FBLN7: variants seen among roughly 807,000 people sequenced by gnomAD.
FBLN7 encodes the protein fibulin 7.
A neutral mutation model predicts 44.0 loss-of-function variants in FBLN7; 31 were observed. The observed-to-expected ratio is 0.70, with a 90% CI of 0.53 to 0.95. The LOEUF (loss-of-function observed/expected upper bound fraction) is 0.95. Ranked by LOEUF, FBLN7 falls within the 40% of genes least tolerant of loss-of-function variation. The pLI, the probability that FBLN7 is intolerant of heterozygous loss-of-function variation, is 0.00. For missense variants in FBLN7, 573 were observed against 618.5 expected, an observed-to-expected ratio of 0.93 and a Z score of 0.78; for synonymous variants, 262 against 253.4, an observed-to-expected ratio of 1.03 and a Z score of -0.32.
Position 112,185,351 on chromosome 2 carries a change from C to T in FBLN7, c.947+12C>T. The T allele has an allele frequency of 1.2e-6, 2 of 1,609,026 alleles. No individual in the cohort carries two copies. The highest frequency in any genetic ancestry group is 1.1e-5 in the South Asian group (1 of 90,902). ...AAGACGTCTCCATTGTGAGTATCTC[C>T]AGGGGAGGCACACCCTCACCCAGGC... On this transcript the variant is annotated intron_variant, in intron 7 of 7. Coordinates refer to ENST00000331203, the MANE Select transcript of FBLN7 (RefSeq NM_153214.3).
At chr2:112,160,211 C>T (rs56166956) in intron 2 of FBLN7, among the ~76,000 whole-genome samples, 4 of 152,170 alleles carry the variant, frequency 2.6e-5, no homozygotes, top group South Asian at 2.1e-4. Flanking sequence ...AGGATGGTCT[C>T]GATCTCCTGA....
chr2:112,185,321 A>G lies in FBLN7; in HGVS notation c.929A>G (p.Tyr310Cys). 6.2e-7 allele frequency: 1 copy of G among 1,613,784 alleles called. No individual in the cohort carries two copies. Among genetic ancestry groups the G allele is most frequent in the Non-Finnish European group, 8.5e-7 (1 of 1,179,746 alleles). ...CCCGAGGGCAGCGGCAATGTGAGCT[A>G]CGTGAAGACGTCTCCATTGTGAGTA... ...ECPEGSGNVSYVKTSPFQCER... is the reference protein window; with the variant it reads ...ECPEGSGNVSCVKTSPFQCER... The change falls in exon 7 of 8, where the codon TAC (tyrosine) becomes TGC (cysteine). Residue 310 changes from tyrosine (Y) to cysteine (C), a missense_variant. Physicochemically the swap from Tyr to Cys is radical, Grantham distance 194. Coordinates refer to ENST00000331203, the MANE Select transcript of FBLN7 (RefSeq NM_153214.3).
chr2:112,236,475 C>T, the FBLN7 span: 1 of 1,537,282 alleles, frequency 6.5e-7, no homozygotes. Context: ...CTCTCCATAT[C>T]ACATAGCACT....
At chr2:112,232,257 A>G in the FBLN7 span, among the ~76,000 whole-genome samples, 1 of 150,154 alleles carries the variant, frequency 6.7e-6, no homozygotes, top group Non-Finnish European at 1.5e-5. Context: ...CGGAGGTTGC[A>G]GCGAACCAAG....
At chr2:112,170,329 C>G (rs1242647508) in intron 3 of FBLN7, among the ~76,000 whole-genome samples, 1 of 151,712 alleles carries the variant, frequency 6.6e-6, no homozygotes, top group Admixed American at 6.6e-5. Flanking sequence ...GAGTTCGAGA[C>G]CAGCCTGGCC....
intron 1 of FBLN7, among the ~76,000 whole-genome samples, chr2:112,154,346 G>A (rs6542041): frequency 0.47 from 72,180 of 151,978 alleles, 17,466 homozygotes; most frequent in Middle Eastern, 0.66. Flanking sequence ...GATTTAAAAC[G>A]GGGCGCCTCA....
At chr2:112,244,131 T>C in the FBLN7 span, among the ~76,000 whole-genome samples, 1 of 151,076 alleles carries the variant, frequency 6.6e-6, no homozygotes, top group Non-Finnish European at 1.5e-5. Context: ...TCGCATAGAA[T>C]TAAGAATGCC....
At chr2:112,208,672 ACTCT>A in the FBLN7 span, among the ~76,000 whole-genome samples, 2 of 151,644 alleles carry the variant, frequency 1.3e-5, no homozygotes, top group Non-Finnish European at 2.9e-5. Context: ...CTGGATTACT[ACTCT>A]CTCTCTTTTT....
At chr2:112,142,597 T>C (rs1426908653) in intron 1 of FBLN7, among the ~76,000 whole-genome samples, 2 of 152,128 alleles carry the variant, frequency 1.3e-5, no homozygotes, top group Non-Finnish European at 2.9e-5. Flanking sequence ...ACAGGCTTCC[T>C]CGACCAAGGC....
At chr2:112,166,721 T>C (rs1446491926) in intron 3 of FBLN7, among the ~76,000 whole-genome samples, 3 of 152,166 alleles carry the variant, frequency 2.0e-5, no homozygotes, top group African/African-American at 4.8e-5. Context: ...ATTTTTATTG[T>C]TTTGGGTGTC....
At position 112,144,548 on chromosome 2, in the gene FBLN7, G is replaced by A. The variant is rs1167711543; in HGVS notation, c.75+5818G>A. Among the ~76,000 whole-genome samples the A allele has an allele frequency of 6.4e-4, 91 of 141,448 alleles. 1 individual carries two copies. The highest frequency in any genetic ancestry group is 2.1e-4 in the Non-Finnish European group (14 of 65,998). 92.8% of individuals were successfully genotyped at this position (141,448 alleles called of 152,430 possible). A position where few individuals can be genotyped will look rare whatever the true frequency, so the allele number is the denominator to read the frequency against. On this transcript the variant is annotated intron_variant, in intron 1 of 7. Coordinates refer to ENST00000331203, the MANE Select transcript of FBLN7 (RefSeq NM_153214.3). Reference sequence around the variant, plus strand: ...CTTTTTTTTTTTTTTTTTTTGAGACGGAGTCTTGCTCTGTCACTCAGGCTG... The same window carrying A: ...CTTTTTTTTTTTTTTTTTTTGAGACAGAGTCTTGCTCTGTCACTCAGGCTG...
In FBLN7 at chr2:112,181,913, C is replaced by T. The variant is rs1176424190; in HGVS notation, c.670+37C>T. ...CTCCGCCAGGACACTGGGGACAGCACGGGGAGGACATGGGGCGGGGAAGGG... is the reference window on the plus strand; with the variant it reads ...CTCCGCCAGGACACTGGGGACAGCATGGGGAGGACATGGGGCGGGGAAGGG... On this transcript the variant is annotated intron_variant, in intron 5 of 7. Transcript: ENST00000331203. 6 of 1,524,308 alleles carry T rather than the reference C, an allele frequency of 3.9e-6. No homozygotes were observed. In the Admixed American group the frequency reaches 6.2e-5, roughly 16 times the overall value. The allele number at this position is 1,524,308 out of a possible 1,614,324, so 94.4% of individuals were successfully genotyped here. A position where few individuals can be genotyped will look rare whatever the true frequency, so the allele number is the denominator to read the frequency against.
At chr2:112,147,756 C>T (rs1235039711) in intron 1 of FBLN7, among the ~76,000 whole-genome samples, 1 of 152,178 alleles carries the variant, frequency 6.6e-6, no homozygotes, top group Non-Finnish European at 1.5e-5. Context: ...TTTTTGAACC[C>T]ATCCTTAGGA....
chr2:112,138,768 C>A, intron 1 of FBLN7, 38 bp downstream of exon 1: 1 of 1,508,824 alleles, frequency 6.6e-7, no homozygotes, highest in South Asian at 1.3e-5. Context: ...GCCAGTGTCC[C>A]TCCCGCCTCT....
At chr2:112,193,283 A>C in the FBLN7 span, among the ~76,000 whole-genome samples, 1 of 152,188 alleles carries the variant, frequency 6.6e-6, no homozygotes, top group Non-Finnish European at 1.5e-5. Flanking sequence ...TCTACTAAAA[A>C]TATAAAAATT....
intron 3 of FBLN7, among the ~76,000 whole-genome samples, chr2:112,166,029 G>A (rs1477145435): frequency 6.6e-6 from 1 of 152,212 alleles, no homozygotes; most frequent in Non-Finnish European, 1.5e-5. Context: ...TGCAAAAGCA[G>A]AGTAGAGAGA....
chr2:112,151,060 G>C (rs945213304), intron 1 of FBLN7, among the ~76,000 whole-genome samples: 2 of 152,154 alleles, frequency 1.3e-5, no homozygotes, highest in African/African-American at 4.8e-5. Context: ...AGAGGACCTG[G>C]GGGCAGATTC....
intron 6 of FBLN7, among the ~76,000 whole-genome samples, chr2:112,184,448 G>A (rs756432390): frequency 2.0e-5 from 3 of 152,054 alleles, no homozygotes; most frequent in Non-Finnish European, 2.9e-5. Context: ...CCCTCCCACA[G>A]TGCTCACGAA....
At chr2:112,220,161 T>C in the FBLN7 span, among the ~76,000 whole-genome samples, 3 of 152,212 alleles carry the variant, frequency 2.0e-5, no homozygotes, top group African/African-American at 7.2e-5. Context: ...AAGGTTAGTA[T>C]TGATACATGC....
Sources: allele counts gnomAD v4.1 joint callset (sites outside exome capture counted in the v4.1 genomes callset), GRCh38; gene constraint gnomAD v4.1.1; transcripts MANE v1.5; gene names NCBI Gene and HGNC (gene_info 2026-07-23, HGNC 2026-07-21).